MPRIP: variants seen among roughly 807,000 people sequenced by gnomAD.
MPRIP encodes myosin phosphatase Rho interacting protein.
A neutral mutation model predicts 234.9 loss-of-function variants in MPRIP; 59 were observed. The observed-to-expected ratio is 0.25, with a 90% CI of 0.20 to 0.31. The LOEUF is 0.31. Ranked by LOEUF, MPRIP falls within the 10% of genes least tolerant of loss-of-function variation. The pLI, the probability that MPRIP is intolerant of heterozygous loss-of-function variation, is 1.00. For missense variants in MPRIP, 2,436 were observed against 3,071.0 expected, an observed-to-expected ratio of 0.79 and a Z score of 4.89; for synonymous variants, 1,144 against 1,263.9, an observed-to-expected ratio of 0.91 and a Z score of 2.01.
intron 12 of MPRIP, 58 bp from the exon 13 acceptor site, chr17:17,154,248 G>A: frequency 1.4e-6 from 2 of 1,475,408 alleles, no homozygotes; most frequent in Non-Finnish European, 1.9e-6. Context: ...TTTGGAGATG[G>A]AGGGCAGCAG....
At chr17:17,132,579 C>T (rs773276197) in intron 5 of MPRIP, among the ~76,000 whole-genome samples, 2 of 152,224 alleles carry the variant, frequency 1.3e-5, no homozygotes, top group African/African-American at 4.8e-5. Flanking sequence ...AGCCAGCCCA[C>T]GGGCTACAGA....
intron 16 of MPRIP, among the ~76,000 whole-genome samples, chr17:17,169,786 C>T (rs1212243272): frequency 6.6e-6 from 1 of 152,220 alleles, no homozygotes; most frequent in African/African-American, 2.4e-5. Context: ...GCCTAACAGC[C>T]GTCCTCTGAC....
chr17:17,156,810 T>C (rs958604376), intron 13 of MPRIP, among the ~76,000 whole-genome samples: 1 of 152,230 alleles, frequency 6.6e-6, no homozygotes, highest in South Asian at 2.1e-4. Flanking sequence ...TTCATCCAGA[T>C]GTTAGCGTGC....
At chr17:17,157,766 T>G (rs1188286954) in intron 13 of MPRIP, among the ~76,000 whole-genome samples, 2 of 150,754 alleles carry the variant, frequency 1.3e-5, no homozygotes, top group Non-Finnish European at 3.0e-5. Context: ...AGGCAGAGGT[T>G]GTGGTGAGCC....
Position 17,158,937 on chromosome 17 carries a change from C to G in MPRIP, c.2335C>G (p.Leu779Val). The change falls in exon 14 of 24, where the codon CTG becomes GTG. Residue 779 changes from leucine to valine, a missense_variant. Physicochemically the swap from Leu to Val is conservative, Grantham distance 32. Transcript: ENST00000651222. ...EKQVPIAPVH[L>V]SSEDGGDRLS... ...GCAGGTGCCCATCGCCCCCGTCCAC[C>G]TGTCTTCTGAAGATGGGGGTGACCG... The G allele has an allele frequency of 6.2e-7, 1 of 1,612,884 alleles. No individual in the cohort carries two copies. Among genetic ancestry groups the G allele is most frequent in the South Asian group, 1.1e-5 (1 of 91,084 alleles).
intron 1 of MPRIP, 107 bp downstream of exon 1, chr17:17,043,078 C>T: frequency 5.4e-6 from 6 of 1,118,676 alleles, no homozygotes; most frequent in South Asian, 5.3e-5. Flanking sequence ...CAGGGAAATG[C>T]GCGAGTCCTG....
Position 17,164,906 on chromosome 17 carries a change from C to T in MPRIP, c.3315C>T (p.Asp1105=), listed in dbSNP as rs191131379. The T allele has an allele frequency of 9.3e-3, 12,073 of 1,303,708 alleles. 72 individuals carry two copies. Among genetic ancestry groups the T allele is most frequent in the African/African-American group, 0.011 (740 of 65,986 alleles). 80.8% of individuals were successfully genotyped at this position (1,303,708 alleles called of 1,614,324 possible). A position where few individuals can be genotyped will look rare whatever the true frequency, so the allele number is the denominator to read the frequency against. ...CAGAGCACGTGCAGAGCCTCTGTGA[C>T]GAGCGGGACCTCCTCAGACAGCGGT... ...RLAEHVQSLC[D]ERDLLRQRFQ... The change falls in exon 16 of 24, where the codon GAC becomes GAT. Residue 1105 remains aspartate, a synonymous_variant. Coordinates refer to ENST00000651222, the MANE Select transcript of MPRIP (RefSeq NM_001364716.4).
chr17:17,130,417 T>G (rs915952228), intron 4 of MPRIP, among the ~76,000 whole-genome samples: 5 of 150,364 alleles, frequency 3.3e-5, no homozygotes, highest in Admixed American at 2.6e-4. Context: ...CTTCCTCTCT[T>G]CGCTCCTCTA....
intron 3 of MPRIP, among the ~76,000 whole-genome samples, chr17:17,109,394 A>C (rs7223773): frequency 0.045 from 6,807 of 152,296 alleles, 475 homozygotes; most frequent in African/African-American, 0.14. Flanking sequence ...TTGAGACCAC[A>C]ATGCCTGTGT....
Position 17,175,814 on chromosome 17 carries a change from A to T in MPRIP, c.6870+402A>T, listed in dbSNP as rs115083956. Reference sequence around the variant, plus strand: ...AGGGTGTCCTTTTAGGAAGGCACTTAGATTTCTCCACATTCAATTAAAATT... The same window carrying T: ...AGGGTGTCCTTTTAGGAAGGCACTTTGATTTCTCCACATTCAATTAAAATT... On this transcript the variant is annotated intron_variant, in intron 20 of 23. Coordinates refer to ENST00000651222, the MANE Select transcript of MPRIP (RefSeq NM_001364716.4). 6.1e-3 allele frequency among the ~76,000 whole-genome samples: 937 copies of T among 152,378 alleles called. 15 individuals are homozygous for T. Among genetic ancestry groups the T allele is most frequent in the African/African-American group, 0.021 (889 of 41,588 alleles).
chr17:17,052,896 C>G (rs916955170), intron 1 of MPRIP, among the ~76,000 whole-genome samples: 8 of 152,218 alleles, frequency 5.3e-5, no homozygotes, highest in African/African-American at 1.9e-4. Flanking sequence ...AACAGACCCA[C>G]AAGCAACCGT....
Position 17,165,084 on chromosome 17 carries a change from GAGA to G in MPRIP, c.3496_3498del (p.Lys1166del). ...GCAGAGCATGCACACTCTGCTGAGA[GAGA>G]AGGAGGAAGAGCTGGAGCGCATTAA... On this transcript the variant is annotated inframe_deletion, in exon 16 of 24. Transcript: ENST00000651222. 2.3e-6 allele frequency: 3 copies of G among 1,303,608 alleles called. No homozygotes were observed. Among genetic ancestry groups the G allele is most frequent in the Non-Finnish European group, 3.0e-6 (3 of 988,974 alleles). 80.8% of individuals were successfully genotyped at this position (1,303,608 alleles called of 1,614,324 possible). A position where few individuals can be genotyped will look rare whatever the true frequency, so the allele number is the denominator to read the frequency against.
At chr17:17,051,725 C>G (rs1477915427) in intron 1 of MPRIP, among the ~76,000 whole-genome samples, 3 of 152,230 alleles carry the variant, frequency 2.0e-5, no homozygotes, top group Non-Finnish European at 4.4e-5. Context: ...GGGGCAAGAG[C>G]ACCTAGGGGG....
At chr17:17,142,059 C>T (rs969470967) in intron 7 of MPRIP, 6 of 154,680 alleles carry the variant, frequency 3.9e-5, no homozygotes, top group East Asian at 1.9e-4. Flanking sequence ...GCTGCGCCTC[C>T]TCCACCCGCT....
intron 16 of MPRIP, chr17:17,168,237 C>T (rs2046048730): frequency 3.7e-6 from 1 of 271,666 alleles, no homozygotes; most frequent in East Asian, 1.0e-4. Context: ...CCCCCAATCC[C>T]CTTGCCAGCC....
chr17:17,111,192 C>G (rs1459837518), intron 3 of MPRIP, among the ~76,000 whole-genome samples: 1 of 112,384 alleles, frequency 8.9e-6, no homozygotes, highest in Non-Finnish European at 1.8e-5. Context: ...GGCACAGTGT[C>G]GTGGGAGAGC....
chr17:17,134,582 T>C (rs2090658101), intron 5 of MPRIP, among the ~76,000 whole-genome samples: 1 of 152,236 alleles, frequency 6.6e-6, no homozygotes, highest in South Asian at 2.1e-4. Context: ...GTGTGCGTCC[T>C]GGGTCTGTGG....
In MPRIP at chr17:17,112,477, T is replaced by TAA. The variant is rs1336483887; in HGVS notation, c.268-14223_268-14222dup. 3.9e-5 allele frequency among the ~76,000 whole-genome samples: 6 copies of TAA among 152,212 alleles called. No homozygotes were observed. The East Asian group carries it at 9.6e-4, about 24-fold the overall frequency. On this transcript the variant is annotated intron_variant, in intron 3 of 23. Coordinates refer to ENST00000651222, the MANE Select transcript of MPRIP (RefSeq NM_001364716.4). The stretch of plus-strand genomic sequence containing the variant: ...TGATGTCCAGTAGATGCCATGGAGT[T>TAA]AAAGGATTTGGGGGATGGTGGCCCT...
rs764544051 is a variant in MPRIP at position 17,164,975 on chromosome 17, G to A, written c.3384G>A (p.Val1128=). 10 of 1,303,046 alleles carry A rather than the reference G, an allele frequency of 7.7e-6. No homozygotes were observed. In the South Asian group the frequency reaches 1.2e-4, roughly 16 times the overall value. 80.7% of individuals were successfully genotyped at this position (1,303,046 alleles called of 1,614,324 possible). ...GCGTGGCCACGTCCGACGAGGATGTGGCTGAGCTCCGGGAAAAGCTGAGGA... is the reference window on the plus strand; with the variant it reads ...GCGTGGCCACGTCCGACGAGGATGTAGCTGAGCTCCGGGAAAAGCTGAGGA... ...TERVATSDED[V]AELREKLRRR... Residue 1128 remains valine, a synonymous_variant, in exon 16 of 24, where the codon GTG becomes GTA. Transcript: ENST00000651222.
Sources: gnomAD v4.1 joint callset for allele counts (sites outside exome capture counted in the v4.1 genomes callset) on GRCh38, gnomAD v4.1.1 for gene constraint, MANE v1.5 for transcripts, NCBI Gene and HGNC (gene_info 2026-07-23, HGNC 2026-07-21) for gene names.